Variants in RALGDS observed in about 807,000 individuals in gnomAD.
RALGDS encodes the protein ral guanine nucleotide exchange factor.
Under a neutral mutation model 99.8 loss-of-function variants are expected in RALGDS, and 44 were observed. The ratio of observed to expected loss-of-function variants is 0.44; its 90% CI spans 0.35 to 0.57. The LOEUF is 0.57. Among genes scored for constraint, RALGDS ranks in the 20% least tolerant of loss-of-function variants. The probability of loss-of-function intolerance (pLI) is 0.01; values close to 1 mark genes in which losing one functional copy is unlikely to be tolerated. For synonymous variants in RALGDS, 529 were observed against 505.0 expected (o/e 1.05, Z -0.64); for missense variants, 1,022 against 1,203.1 (o/e 0.85, Z 2.23).
chr9:133,128,893 G>A lies in RALGDS; in HGVS notation c.132+2059C>T, dbSNP rs115200360. Among the ~76,000 whole-genome samples, 364 of 152,304 alleles carry A rather than the reference G, an allele frequency of 2.4e-3. 2 individuals carry two copies. Among genetic ancestry groups the A allele is most frequent in the African/African-American group, 8.2e-3 (340 of 41,570 alleles). On this transcript the variant is annotated intron_variant, in intron 1 of 17. Transcript: ENST00000372062. ...GCCCGCAGCCACCCTGGACTGACCC[G>A]TGGGGCTGGGGGCAGCTGGGGAGGC...
intron 1 of RALGDS, among the ~76,000 whole-genome samples, chr9:133,145,385 C>T (rs1564256868): frequency 7.1e-6 from 1 of 141,250 alleles, no homozygotes; most frequent in East Asian, 2.5e-4. Context: ...ACCCCCACCC[C>T]CCGCCCCGGC....
chr9:133,098,962 T>C, intron 17 of RALGDS, 200 bp from the exon 18 acceptor site: 2 of 594,000 alleles, frequency 3.4e-6, no homozygotes, highest in South Asian at 2.0e-5. Context: ...CAAAACCTGA[T>C]GACTCTTGTT....
rs1236758185 is a variant in RALGDS, at chr9:133,106,647, G to A, written c.1515C>T (p.Ser505=). The A allele has an allele frequency of 3.1e-6, 5 of 1,605,598 alleles. No homozygotes were observed. The highest frequency in any genetic ancestry group is 2.6e-6 in the Non-Finnish European group (3 of 1,174,900). ...HRLKKTWEDV[S]RDSFRIFQKL... ...AGCTCCTACAGAGGCATGCCCACCT[G>A]GAAACGTCTTCCCACGTCTTCTTCA... is the stretch of plus-strand genomic sequence containing the variant. Residue 505 remains serine (S), a splice_region_variant and synonymous_variant, in exon 8 of 18, where the codon TCC becomes TCT. Coordinates refer to ENST00000372050, the MANE Select transcript of RALGDS (RefSeq NM_006266.4).
chr9:133,099,865 C>T (rs1348336041), intron 17 of RALGDS: 1 of 267,204 alleles, frequency 3.7e-6, no homozygotes. Context: ...GTAGCCTGTT[C>T]TGCTTTTAGA....
At chr9:133,124,847 C>T (rs773775456), upstream of RALGDS, among the ~76,000 whole-genome samples, 1 of 152,220 alleles carries the variant, frequency 6.6e-6, no homozygotes, top group African/African-American at 2.4e-5. Context: ...AGTGGAGGAA[C>T]GCAGCACCAC....
intron 1 of RALGDS, among the ~76,000 whole-genome samples, chr9:133,128,130 C>T (rs1055812896): frequency 2.6e-5 from 4 of 152,212 alleles, no homozygotes; most frequent in African/African-American, 9.7e-5. Flanking sequence ...CGCTGCCTGG[C>T]ACTGTGAGGA....
In RALGDS at chr9:133,112,165, C is replaced by T. The variant is rs374107838; in HGVS notation, c.184-13G>A. ...CCTGCGTGGAGCTCTGTGAAGACAA[C>T]GCCCGGCAGCCGGGCGCGGGGACGT... On this transcript the variant is annotated splice_polypyrimidine_tract_variant and intron_variant, in intron 1 of 17. Transcript: ENST00000372050. 6.1e-4 allele frequency: 944 copies of T among 1,546,216 alleles called. No individual in the cohort carries two copies. The highest frequency in any genetic ancestry group is 7.8e-4 in the Non-Finnish European group (894 of 1,142,076).
At chr9:133,107,531 A>ACCCCCCAT (rs1831131082) in intron 6 of RALGDS, among the ~76,000 whole-genome samples, 4 of 148,648 alleles carry the variant, frequency 2.7e-5, no homozygotes, top group African/African-American at 9.8e-5. Context: ...ACGCCTGCCC[A>ACCCCCCAT]CCCCCCATCC....
In RALGDS at chr9:133,103,821, C is replaced by G; in HGVS notation, c.1684G>C (p.Gly562Arg). 6.2e-7 allele frequency: 1 copy of G among 1,613,146 alleles called. No homozygotes were observed. The highest frequency in any genetic ancestry group is 8.5e-7 in the Non-Finnish European group (1 of 1,179,884). Residue 562 changes from glycine to arginine, a missense_variant, in exon 11 of 18, where the codon GGC becomes CGC. Gly to Arg is a moderately radical substitution (Grantham distance 125, BLOSUM62 -2). Coordinates refer to ENST00000372050, the MANE Select transcript of RALGDS (RefSeq NM_006266.4). ...KRPKETGIIQGTVPYLGTFLT... is the reference protein window; with the variant it reads ...KRPKETGIIQRTVPYLGTFLT... ...AACGTGCCCAGGTAGGGAACGGTGC[C>G]CTGGATGATGCCCTGTGACATTGGG... is the stretch of plus-strand genomic sequence containing the variant.
Position 133,106,725 on chromosome 9 carries a change from G to C in RALGDS, c.1437C>G (p.Phe479Leu). 1 of 1,612,438 alleles carries C rather than the reference G, an allele frequency of 6.2e-7. No homozygotes were observed. Among genetic ancestry groups the C allele is most frequent in the Non-Finnish European group, 8.5e-7 (1 of 1,179,160 alleles). ...CAGAGAGGATGGCATACAGTGACGA[G>C]AAGTTCTTGAGGATCCGGCACTCCT... ...VARECRILKN[F>L]SSLYAILSAL... Residue 479 changes from phenylalanine to leucine, a missense_variant, in exon 8 of 18, where the codon TTC (phenylalanine) becomes TTG (leucine). Coordinates refer to ENST00000372050, the MANE Select transcript of RALGDS (RefSeq NM_006266.4).
chr9:133,106,173 G>C (rs889060525), intron 8 of RALGDS, among the ~76,000 whole-genome samples, 157 bp from the exon 9 acceptor site: 2 of 151,606 alleles, frequency 1.3e-5, no homozygotes, highest in Non-Finnish European at 2.9e-5. Flanking sequence ...CTGGGGAGGG[G>C]GCCTTCATGT....
At chr9:133,120,428 A>AAC (rs1831862835) in intron 1 of RALGDS, among the ~76,000 whole-genome samples, 2 of 59,994 alleles carry the variant, frequency 3.3e-5, no homozygotes, top group African/African-American at 6.4e-5. Flanking sequence ...CCATCCCCCG[A>AAC]CCCCCCCCCC....
intron 1 of RALGDS, among the ~76,000 whole-genome samples, chr9:133,119,747 G>A (rs1361220301): frequency 6.6e-6 from 1 of 152,032 alleles, no homozygotes; most frequent in Non-Finnish European, 1.5e-5. Flanking sequence ...AGGGTTGAGG[G>A]AACACGTCTG....
rs747173721 is a variant in RALGDS, at chr9:133,108,094, G to A, written c.1091C>T (p.Ser364Phe). ...APAPVPSLQP[S>F]WPSPVVAENG... ...CTCTGCAACCACAGGTGAAGGCCAG[G>A]AAGGCTGTAATGATGGAACTGGTGC... The change falls in exon 6 of 18, where the codon TCC becomes TTC. Residue 364 changes from serine (S) to phenylalanine (F), a missense_variant. By Grantham distance (155) the Ser-to-Phe change is radical (BLOSUM62 -2). Transcript: ENST00000372050. 4 of 1,613,744 alleles carry A rather than the reference G, an allele frequency of 2.5e-6. No homozygotes were observed. Among genetic ancestry groups the A allele is most frequent in the East Asian group, 2.2e-5 (1 of 44,890 alleles).
chr9:133,129,110 C>T (rs558324801), intron 1 of RALGDS: 4 of 1,564,224 alleles, frequency 2.6e-6, no homozygotes, highest in Non-Finnish European at 2.6e-6. Flanking sequence ...CCCTCCCCGG[C>T]AGAGGCACTG....
intron 1 of RALGDS, among the ~76,000 whole-genome samples, chr9:133,142,162 G>A (rs1341820393): frequency 6.6e-6 from 1 of 152,206 alleles, no homozygotes; most frequent in Non-Finnish European, 1.5e-5. Context: ...TGGGGAGGGG[G>A]GAGTGGACTG....
chr9:133,136,164 A>G (rs960475057), intron 1 of RALGDS, among the ~76,000 whole-genome samples: 7 of 152,148 alleles, frequency 4.6e-5, no homozygotes, highest in Admixed American at 3.3e-4. Context: ...CATAAAAATC[A>G]CCTTTGGCCT....
upstream of RALGDS, among the ~76,000 whole-genome samples, chr9:133,135,470 A>G (rs1235569615): frequency 6.6e-6 from 1 of 152,186 alleles, no homozygotes; most frequent in Non-Finnish European, 1.5e-5. Context: ...GCCCTGCCCC[A>G]GCCGCTCCCA....
chr9:133,141,809 G>A lies in RALGDS; in HGVS notation c.18+7154C>T, dbSNP rs562348488. On this transcript the variant is annotated intron_variant, in intron 1 of 17. Transcript: ENST00000393160. ...ATGGGCCACCAATGGGGAAACTGAG[G>A]CCAGCGAGAAGGGACACACTAAGGT... Among the ~76,000 whole-genome samples the A allele has an allele frequency of 3.3e-5, 5 of 152,370 alleles. No homozygotes were observed. In the South Asian group the frequency reaches 1.0e-3, roughly 32 times the overall value.
Sources: gnomAD v4.1 joint callset for allele counts (sites outside exome capture counted in the v4.1 genomes callset) on GRCh38, gnomAD v4.1.1 for gene constraint, MANE v1.5 for transcripts, NCBI Gene and HGNC (gene_info 2026-07-23, HGNC 2026-07-21) for gene names.